PCDHGB6: variants seen among roughly 807,000 people sequenced by gnomAD.
The protein encoded by PCDHGB6 is protocadherin gamma subfamily B, 6.
Under a neutral mutation model 59.1 loss-of-function variants are expected in PCDHGB6, and 51 were observed. The observed-to-expected ratio is 0.86, with a 90% CI of 0.69 to 1.09. The LOEUF is 1.09. Ranked by LOEUF, PCDHGB6 falls within the 50% of genes least tolerant of loss-of-function variation. The probability of loss-of-function intolerance (pLI) is 0.00; values close to 1 mark genes in which losing one functional copy is unlikely to be tolerated. For synonymous variants in PCDHGB6, 466 were observed against 495.1 expected (o/e 0.94, Z 0.78); for missense variants, 1,148 against 1,205.1 (o/e 0.95, Z 0.70).
chr5:141,458,165 A>T lies in PCDHGB6; in HGVS notation c.2419-36642A>T, dbSNP rs10075475. On this transcript the variant is annotated intron_variant, in intron 1 of 3. Coordinates refer to ENST00000520790, the MANE Select transcript of PCDHGB6 (RefSeq NM_018926.3). Reference sequence around the variant, plus strand: ...TGAACATGCTCCAAATTTTGTTCACAGTAGTATACCTTACTTGATTATTAA... The same window carrying T: ...TGAACATGCTCCAAATTTTGTTCACTGTAGTATACCTTACTTGATTATTAA... Among the ~76,000 whole-genome samples the T allele has an allele frequency of 2.4e-3, 368 of 152,356 alleles. 2 individuals carry two copies. The highest frequency in any genetic ancestry group is 8.5e-3 in the African/African-American group (354 of 41,588).
chr5:141,479,453 A>G (rs994349416), intron 1 of PCDHGB6: 1 of 152,266 alleles, frequency 6.6e-6, no homozygotes, highest in Non-Finnish European at 1.5e-5. Context: ...TAAGTTCAGC[A>G]TGAATACAGT....
At chr5:141,420,234 T>G (rs766733064) in intron 1 of PCDHGB6, 1 of 1,600,030 alleles carries the variant, frequency 6.2e-7, no homozygotes, top group Non-Finnish European at 8.5e-7. Flanking sequence ...GCTAGCATTT[T>G]AACTCCCAGC....
Position 141,408,590 on chromosome 5 carries a change from G to A in PCDHGB6, c.388G>A (p.Ala130Thr), listed in dbSNP as rs776799830. Residue 130 changes from alanine (A) to threonine (T), a missense_variant, in exon 1 of 4, where the codon GCC becomes ACC. Transcript: ENST00000520790. ...IVVIEDVNDH[A>T]PQFDKKEIHL... ...GGTGATTGAGGATGTTAATGACCACGCCCCTCAATTTGATAAAAAGGAAAT... is the reference window on the plus strand; with the variant it reads ...GGTGATTGAGGATGTTAATGACCACACCCCTCAATTTGATAAAAAGGAAAT... 4 of 1,613,956 alleles carry A rather than the reference G, an allele frequency of 2.5e-6. No homozygotes were observed. Among genetic ancestry groups the A allele is most frequent in the East Asian group, 2.2e-5 (1 of 44,886 alleles).
At chr5:141,414,738 C>T in intron 1 of PCDHGB6, 1 of 1,614,238 alleles carries the variant, frequency 6.2e-7, no homozygotes, top group Non-Finnish European at 8.5e-7. Context: ...TGTATGCACT[C>T]AGATCCTTCG....
intron 2 of PCDHGB6, among the ~76,000 whole-genome samples, chr5:141,501,365 A>G (rs1360125423): frequency 1.3e-5 from 2 of 151,500 alleles, no homozygotes; most frequent in Admixed American, 6.6e-5. Flanking sequence ...AACCATATTC[A>G]TCATCTCTTA....
chr5:141,461,167 C>T (rs917796588), intron 1 of PCDHGB6, among the ~76,000 whole-genome samples: 2 of 151,968 alleles, frequency 1.3e-5, no homozygotes, highest in Non-Finnish European at 2.9e-5. Context: ...AGTGGGATTG[C>T]TGGATTGAAT....
intron 2 of PCDHGB6, 149 bp from the exon 3 acceptor site, chr5:141,505,244 T>C (rs886952348): frequency 7.0e-7 from 1 of 1,428,216 alleles, no homozygotes; most frequent in Non-Finnish European, 9.4e-7. Context: ...TGAAGGATTG[T>C]AGAAGTGCCT....
intron 1 of PCDHGB6, chr5:141,419,344 C>T (rs2096363174): frequency 1.9e-6 from 3 of 1,613,732 alleles, no homozygotes; most frequent in Non-Finnish European, 2.5e-6. Flanking sequence ...TTGCCAGCGA[C>T]CTGGAGTCAC....
intron 1 of PCDHGB6, among the ~76,000 whole-genome samples, chr5:141,468,064 C>T (rs1026571562): frequency 3.3e-5 from 5 of 152,076 alleles, no homozygotes; most frequent in Non-Finnish European, 7.4e-5. Flanking sequence ...GTGGCTCACA[C>T]CTGTAATCCC....
rs780268305 is a variant in PCDHGB6, at chr5:141,410,637, T to G, written c.2418+17T>G. 1.9e-6 allele frequency: 3 copies of G among 1,599,938 alleles called. No homozygotes were observed. In the South Asian group the frequency reaches 3.3e-5, roughly 18 times the overall value. ...CTGACTTCGGTGAGTTTCTCTTTTT[T>G]GTGTGTGATTTATCTAATAGTCTAC... On this transcript the variant is annotated intron_variant, in intron 1 of 3. Transcript: ENST00000520790.
rs1236959966 is a variant in PCDHGB6, at chr5:141,511,984, G to C, written c.*811G>C. On this transcript the variant is annotated 3_prime_UTR_variant, in exon 4 of 4. Transcript: ENST00000520790. ...GGGAAGTGTGTGGATGTGGATGGTGGGGGCATGGACAAAGCTTGACACATC... is the reference window on the plus strand; with the variant it reads ...GGGAAGTGTGTGGATGTGGATGGTGCGGGCATGGACAAAGCTTGACACATC... 1 of 153,294 alleles carries C rather than the reference G, an allele frequency of 6.5e-6. No individual in the cohort carries two copies. Among genetic ancestry groups the C allele is most frequent in the African/African-American group, 2.4e-5 (1 of 41,452 alleles). 9.5% of individuals were successfully genotyped at this position (153,294 alleles called of 1,614,324 possible). A position where few individuals can be genotyped will look rare whatever the true frequency, so the allele number is the denominator to read the frequency against.
chr5:141,504,496 G>C (rs2099838771), intron 2 of PCDHGB6, among the ~76,000 whole-genome samples: 1 of 152,100 alleles, frequency 6.6e-6, no homozygotes, highest in Non-Finnish European at 1.5e-5. Flanking sequence ...CACCTGCCCA[G>C]TCTGAGTGGA....
chr5:141,484,750 G>GTATA (rs545232987), intron 1 of PCDHGB6, among the ~76,000 whole-genome samples: 1 of 149,818 alleles, frequency 6.7e-6, no homozygotes, highest in Non-Finnish European at 1.5e-5. Context: ...GAAAAAAAAT[G>GTATA]TATATATATA....
At chr5:141,416,998 CAAAT>C (rs2096073182) in intron 1 of PCDHGB6, 1 of 150,816 alleles carries the variant, frequency 6.6e-6, no homozygotes, top group South Asian at 2.1e-4. Flanking sequence ...GCATTCATCT[CAAAT>C]AATTCTATTA....
chr5:141,486,659 G>A lies in PCDHGB6; in HGVS notation c.2419-8148G>A, dbSNP rs758578821. The stretch of plus-strand genomic sequence containing the variant: ...TGCGCTTATCTCCTACTCACTCCTG[G>A]AGCCCAGGAATCGAGATGTATCAGC... On this transcript the variant is annotated intron_variant, in intron 1 of 3. Transcript: ENST00000520790. This position sits in a 1 kb window ranked among gnomAD's most constrained non-coding sequence, Gnocchi z 5.0. 5.0e-6 allele frequency: 8 copies of A among 1,613,944 alleles called. No homozygotes were observed. Among genetic ancestry groups the A allele is most frequent in the Middle Eastern group, 1.6e-4 (1 of 6,062 alleles).
chr5:141,458,273 G>C, intron 1 of PCDHGB6, among the ~76,000 whole-genome samples: 1 of 152,158 alleles, frequency 6.6e-6, no homozygotes, highest in Non-Finnish European at 1.5e-5. Context: ...AGGAACAACA[G>C]GGTTCCTGGT....
At position 141,429,460 on chromosome 5, in the gene PCDHGB6, C is replaced by T. The variant is rs528924726; in HGVS notation, c.2418+18840C>T. The stretch of plus-strand genomic sequence containing the variant: ...AAACTCTTGGGCTACAGTAATCCTC[C>T]CACCTCAATCTCCAGAGTAGCTGAG... On this transcript the variant is annotated intron_variant, in intron 1 of 3. Transcript: ENST00000520790. Among the ~76,000 whole-genome samples the T allele has an allele frequency of 1.6e-4, 25 of 151,938 alleles. 1 individual carries two copies. The South Asian group carries it at 4.6e-3, about 28-fold the overall frequency.
chr5:141,497,062 A>C (rs779414748), intron 2 of PCDHGB6, among the ~76,000 whole-genome samples: 6 of 152,024 alleles, frequency 3.9e-5, no homozygotes, highest in Non-Finnish European at 7.4e-5. Flanking sequence ...GGTGGCAGGC[A>C]CCTGTAATCC....
In PCDHGB6 at chr5:141,409,379, A is replaced by G. The variant is rs376174246; in HGVS notation, c.1177A>G (p.Lys393Glu). Residue 393 changes from lysine (K) to glutamate (E), a missense_variant, in exon 1 of 4, where the codon AAG (lysine) becomes GAG (glutamate). Transcript: ENST00000520790. ...RCNIETDIPFKIYSSSNNYYK... is the reference protein window; with the variant it reads ...RCNIETDIPFEIYSSSNNYYK... ...TAATATAGAAACAGACATTCCATTC[A>G]AGATTTATTCTTCTTCCAATAACTA... is the stretch of plus-strand genomic sequence containing the variant. The G allele has an allele frequency of 1.5e-5, 25 of 1,613,926 alleles. No homozygotes were observed. The highest frequency in any genetic ancestry group is 2.0e-5 in the Non-Finnish European group (24 of 1,179,908).
Sources: gnomAD v4.1 joint callset for allele counts (sites outside exome capture counted in the v4.1 genomes callset) on GRCh38, gnomAD v4.1.1 for gene constraint, Gnocchi (gnomAD v3.1) non-coding constraint, MANE v1.5 for transcripts, NCBI Gene and HGNC (gene_info 2026-07-23, HGNC 2026-07-21) for gene names.